Variants in LIPM observed in about 807,000 individuals in gnomAD.
The protein encoded by LIPM is lipase family member M, also known as lipase member M.
In LIPM, 42 loss-of-function variants were observed where a neutral mutation model predicts 42.4. The observed-to-expected ratio is 0.99, with a 90% CI of 0.77 to 1.28. The LOEUF is 1.28. Among genes scored for constraint, LIPM ranks in the 50% most tolerant of loss-of-function variants. The pLI is 0.00. For synonymous variants in LIPM, 177 were observed against 173.3 expected (o/e 1.02, Z -0.17); for missense variants, 524 against 520.1 (o/e 1.01, Z -0.07).
At chr10:88,811,716 T>C (rs1843658837) in intron 2 of LIPM, among the ~76,000 whole-genome samples, 1 of 152,150 alleles carries the variant, frequency 6.6e-6, no homozygotes, top group Non-Finnish European at 1.5e-5. Context: ...GTTTACAGTT[T>C]TACCCCATTT....
intron 3 of LIPM, 78 bp downstream of exon 3, chr10:88,813,373 ATTTGGTTGATTTAT>A (rs2133057444): frequency 2.5e-6 from 3 of 1,188,414 alleles, no homozygotes; most frequent in Non-Finnish European, 3.5e-6. Flanking sequence ...GGCTTCTAGT[ATTTGGTTGATTTAT>A]TTTGGTTGAG....
intron 1 of LIPM, among the ~76,000 whole-genome samples, chr10:88,805,425 C>T (rs1843574068): frequency 6.6e-6 from 1 of 152,142 alleles, no homozygotes; most frequent in South Asian, 2.1e-4. Context: ...CTGAAAGCAG[C>T]TTATATCTGG....
chr10:88,811,665 A>G (rs181225508), intron 2 of LIPM, among the ~76,000 whole-genome samples: 153 of 152,332 alleles, frequency 1.0e-3, no homozygotes, highest in African/African-American at 3.5e-3. Flanking sequence ...TGGGAATAGT[A>G]CAAGGGACTT....
intron 1 of LIPM, among the ~76,000 whole-genome samples, 198 bp from the exon 2 acceptor site, chr10:88,808,100 T>C (rs1843609984): frequency 6.6e-6 from 1 of 152,198 alleles, no homozygotes; most frequent in African/African-American, 2.4e-5. Context: ...CATAATTCTA[T>C]TCCGGTTTCC....
In LIPM at chr10:88,813,140, T is replaced by G; in HGVS notation, c.309T>G (p.Gly103=). 1 of 1,609,206 alleles carries G rather than the reference T, an allele frequency of 6.2e-7. No individual in the cohort carries two copies. Among genetic ancestry groups the G allele is most frequent in the Non-Finnish European group, 8.5e-7 (1 of 1,177,460 alleles). Residue 103 remains glycine, a synonymous_variant, in exon 3 of 9, where the codon GGT becomes GGG. Transcript: ENST00000404743. ...VVLLQHGLVG[G]ASNWISNLPN... is the part of the protein sequence containing the mutation. Reference sequence around the variant, plus strand: ...TACTGCAGCATGGCCTAGTTGGAGGTGCTAGCAACTGGATTTCCAACCTGC... The same window carrying G: ...TACTGCAGCATGGCCTAGTTGGAGGGGCTAGCAACTGGATTTCCAACCTGC...
At chr10:88,814,882 G>A (rs1022854136) in intron 4 of LIPM, among the ~76,000 whole-genome samples, 7 of 152,094 alleles carry the variant, frequency 4.6e-5, no homozygotes, top group East Asian at 1.9e-4. Context: ...AGCCAACATC[G>A]TGTTATTCAA....
At chr10:88,816,225 C>T (rs1843717020) in intron 6 of LIPM, among the ~76,000 whole-genome samples, 1 of 152,166 alleles carries the variant, frequency 6.6e-6, no homozygotes, top group South Asian at 2.1e-4. Context: ...TATCTGCCTA[C>T]AATTGGTGCA....
rs1249715487 is a variant in LIPM, at chr10:88,815,406, A to G, written c.761A>G (p.Gln254Arg). ...EFLYQTRFLRQLVIYLCGQVI... is the reference protein window; with the variant it reads ...EFLYQTRFLRRLVIYLCGQVI... ...CTGTATCAGACCAGATTTCTCAGAC[A>G]ACTTGTTATTTACCTTTGTGGCCAG... Residue 254 changes from glutamine to arginine, a missense_variant, in exon 6 of 9, where the codon CAA becomes CGA. Transcript: ENST00000404743. 2 of 1,551,500 alleles carry G rather than the reference A, an allele frequency of 1.3e-6. No individual in the cohort carries two copies. Among genetic ancestry groups the G allele is most frequent in the Admixed American group, 3.9e-5 (2 of 50,988 alleles).
chr10:88,812,978 G>A (rs1843671799), intron 2 of LIPM, 119 bp from the exon 3 acceptor site: 1 of 817,114 alleles, frequency 1.2e-6, no homozygotes, highest in Non-Finnish European at 1.9e-6. Flanking sequence ...AACTAAGCTA[G>A]CAAGCAGCTG....
At chr10:88,803,467 C>A (rs563790537) in intron 1 of LIPM, among the ~76,000 whole-genome samples, 18 of 152,252 alleles carry the variant, frequency 1.2e-4, no homozygotes, top group African/African-American at 3.8e-4. Context: ...CTTCTAGTAG[C>A]ATCTTATACC....
chr10:88,818,066 A>G (rs1211117316), intron 8 of LIPM, among the ~76,000 whole-genome samples, 170 bp downstream of exon 8: 1 of 152,224 alleles, frequency 6.6e-6, no homozygotes, highest in African/African-American at 2.4e-5. Flanking sequence ...CAGCTGATCC[A>G]AGAAACCTCT....
chr10:88,809,966 G>A (rs303526), intron 2 of LIPM, among the ~76,000 whole-genome samples: 129,258 of 152,134 alleles, frequency 0.85, 55,477 homozygotes, highest in East Asian at 1. Context: ...CCTATTCAAA[G>A]TTGCAGCTCT....
At chr10:88,814,772 G>A (rs1449761699) in intron 4 of LIPM, 133 bp downstream of exon 4, 1 of 704,736 alleles carries the variant, frequency 1.4e-6, no homozygotes, top group Middle Eastern at 2.5e-4. Flanking sequence ...GTAGTCCCCA[G>A]CAATGTGTCT....
intron 4 of LIPM, 109 bp downstream of exon 4, chr10:88,814,748 A>G: frequency 1.2e-6 from 1 of 802,654 alleles, no homozygotes. Context: ...TGCTCTTTTC[A>G]TCTTCAGAAT....
intron 4 of LIPM, 101 bp from the exon 5 acceptor site, chr10:88,814,987 C>A: frequency 9.5e-7 from 1 of 1,052,004 alleles, no homozygotes; most frequent in Non-Finnish European, 1.3e-6. Context: ...AAGATGCAGT[C>A]ACATATATAC....
At chr10:88,816,959 A>G (rs1281464543) in intron 7 of LIPM, 72 bp downstream of exon 7, 3 of 1,116,984 alleles carry the variant, frequency 2.7e-6, no homozygotes, top group East Asian at 5.2e-5. Flanking sequence ...AAAGGACACC[A>G]TTTAGATAAG....
intron 8 of LIPM, 36 bp from the exon 9 acceptor site, chr10:88,820,196 T>C (rs1843770395): frequency 6.7e-7 from 1 of 1,498,802 alleles, no homozygotes; most frequent in Non-Finnish European, 8.9e-7. Flanking sequence ...AAAGTCCAAA[T>C]GTTACCTAGA....
intron 7 of LIPM, 90 bp from the exon 8 acceptor site, chr10:88,817,735 G>C: frequency 2.5e-6 from 2 of 814,882 alleles, no homozygotes; most frequent in Non-Finnish European, 2.1e-6. Context: ...CTTCCCTCAT[G>C]AGTGCACACT....
intron 2 of LIPM, among the ~76,000 whole-genome samples, chr10:88,811,251 T>TC (rs1163665600): frequency 1.3e-5 from 2 of 152,104 alleles, no homozygotes; most frequent in African/African-American, 2.4e-5. Context: ...CATTTAACCC[T>TC]CCCCTGCCAA....
Sources: allele counts gnomAD v4.1 joint callset (sites outside exome capture counted in the v4.1 genomes callset), GRCh38; gene constraint gnomAD v4.1.1; transcripts MANE v1.5; gene names NCBI Gene and HGNC (gene_info 2026-07-23, HGNC 2026-07-21).